The following FARS2 variants were observed in gnomAD, a reference collection of about 807,000 sequenced individuals.
FARS2 encodes the protein phenylalanyl-tRNA synthetase 2, mitochondrial, also known as phenylalanine--tRNA ligase, mitochondrial.
Under a neutral mutation model 46.4 loss-of-function variants are expected in FARS2, and 40 were observed. The ratio of observed to expected loss-of-function variants is 0.86; its 90% CI spans 0.67 to 1.12. FARS2 has a LOEUF of 1.12. Ranked by LOEUF, FARS2 falls within the 50% of genes most tolerant of loss-of-function variation. The probability of loss-of-function intolerance (pLI) is 0.00; values close to 1 mark genes in which losing one functional copy is unlikely to be tolerated. For missense variants in FARS2, 513 were observed against 567.9 expected (o/e 0.90, Z 0.98); for synonymous variants, 234 against 214.9 (o/e 1.09, Z -0.78).
At chr6:5,625,245 T>C (rs941983787) in intron 6 of FARS2, among the ~76,000 whole-genome samples, 1 of 152,086 alleles carries the variant, frequency 6.6e-6, no homozygotes, top group African/African-American at 2.4e-5. Flanking sequence ...GCTTCACCAG[T>C]TCACATTTCT....
chr6:5,432,527 AT>A (rs70975907), intron 4 of FARS2, among the ~76,000 whole-genome samples: 7 of 49,374 alleles, frequency 1.4e-4, no homozygotes, highest in South Asian at 1.3e-3. Flanking sequence ...ATATATATAT[AT>A]TTTTTTTTTT....
intron 6 of FARS2, among the ~76,000 whole-genome samples, chr6:5,759,086 A>T (rs1049449973): frequency 6.6e-6 from 1 of 152,166 alleles, no homozygotes; most frequent in Non-Finnish European, 1.5e-5. Flanking sequence ...GAGAAAACCC[A>T]TATGTAGAGA....
chr6:5,575,719 C>A (rs2150568774), intron 5 of FARS2, among the ~76,000 whole-genome samples: 1 of 152,262 alleles, frequency 6.6e-6, no homozygotes, highest in East Asian at 1.9e-4. Flanking sequence ...GAAATAGTTT[C>A]TCAGCCCTTC....
intron 6 of FARS2, among the ~76,000 whole-genome samples, chr6:5,763,767 GGTTTTT>G (rs1762609173): frequency 4.3e-5 from 1 of 23,496 alleles, no homozygotes; most frequent in African/African-American, 7.5e-5. Flanking sequence ...CTTCCCTTTT[GGTTTTT>G]TTTTTTTTTT....
chr6:5,421,889 T>G (rs1012221194), intron 3 of FARS2, among the ~76,000 whole-genome samples: 3 of 152,222 alleles, frequency 2.0e-5, no homozygotes, highest in Non-Finnish European at 2.9e-5. Context: ...TTCTGAGCTC[T>G]TCAAACTATT....
At chr6:5,642,369 G>A (rs1356612725) in intron 6 of FARS2, among the ~76,000 whole-genome samples, 5 of 152,130 alleles carry the variant, frequency 3.3e-5, no homozygotes, top group African/African-American at 1.2e-4. Flanking sequence ...ATCCCCAATA[G>A]GACTTTTTTG....
chr6:5,301,959 C>T (rs1236369664), intron 1 of FARS2, among the ~76,000 whole-genome samples: 1 of 152,132 alleles, frequency 6.6e-6, no homozygotes, highest in Non-Finnish European at 1.5e-5. Flanking sequence ...ATTAAGAAGA[C>T]TTGGTCCCTA....
chr6:5,734,276 G>A (rs910589078), intron 6 of FARS2, among the ~76,000 whole-genome samples: 1 of 152,198 alleles, frequency 6.6e-6, no homozygotes, highest in Non-Finnish European at 1.5e-5. Context: ...ACAAGAGCCT[G>A]CAATCCTGAA....
chr6:5,371,872 G>A (rs536790778), intron 2 of FARS2, among the ~76,000 whole-genome samples: 1 of 151,952 alleles, frequency 6.6e-6, no homozygotes, highest in Non-Finnish European at 1.5e-5. Flanking sequence ...AATTTAAATG[G>A]GTTAAACTTA....
At chr6:5,656,134 T>C (rs1364909392) in intron 6 of FARS2, among the ~76,000 whole-genome samples, 1 of 152,196 alleles carries the variant, frequency 6.6e-6, no homozygotes, top group African/African-American at 2.4e-5. Flanking sequence ...CCAAGTACAA[T>C]GGAAGACAAG....
At chr6:5,736,165 G>T (rs1253604111) in intron 6 of FARS2, among the ~76,000 whole-genome samples, 3 of 152,160 alleles carry the variant, frequency 2.0e-5, no homozygotes, top group Non-Finnish European at 4.4e-5. Flanking sequence ...GTTCCTCCCT[G>T]GCTGTAGGTC....
At chr6:5,751,038 G>T (rs955525791) in intron 6 of FARS2, among the ~76,000 whole-genome samples, 1 of 152,118 alleles carries the variant, frequency 6.6e-6, no homozygotes, top group Admixed American at 6.5e-5. Context: ...GGCTGGGCCG[G>T]AATCCTAACA....
At chr6:5,341,186 G>GAGATATATATATATAT (rs1771534780) in intron 1 of FARS2, among the ~76,000 whole-genome samples, 1 of 61,236 alleles carries the variant, frequency 1.6e-5, no homozygotes, top group Non-Finnish European at 3.0e-5. Context: ...TGGCCATGGG[G>GAGATATATATATATAT]AGATATATAT....
chr6:5,631,476 TC>T (rs1776290387), intron 6 of FARS2, among the ~76,000 whole-genome samples: 1 of 152,154 alleles, frequency 6.6e-6, no homozygotes, highest in South Asian at 2.1e-4. Flanking sequence ...AAATTCAAGG[TC>T]CCTCTAACCT....
At chr6:5,391,419 G>C (rs17140410) in intron 2 of FARS2, among the ~76,000 whole-genome samples, 1,657 of 152,266 alleles carry the variant, frequency 0.011, 26 homozygotes, top group African/African-American at 0.037. Flanking sequence ...GTACTAAACG[G>C]TGTGTAACTA....
intron 5 of FARS2, among the ~76,000 whole-genome samples, chr6:5,564,391 T>G (rs1429235403): frequency 6.6e-6 from 1 of 152,232 alleles, no homozygotes; most frequent in Admixed American, 6.5e-5. Flanking sequence ...ACTAGCGTAT[T>G]GATTCACATT....
chr6:5,356,728 G>T (rs978987483), intron 1 of FARS2, among the ~76,000 whole-genome samples: 2 of 151,736 alleles, frequency 1.3e-5, no homozygotes, highest in Admixed American at 6.6e-5. Context: ...CCAGAGGCTC[G>T]CAGGAAACCA....
intron 6 of FARS2, among the ~76,000 whole-genome samples, chr6:5,729,891 T>G (rs1360503900): frequency 1.3e-5 from 2 of 152,236 alleles, no homozygotes; most frequent in African/African-American, 4.8e-5. Flanking sequence ...TTCTTTATCA[T>G]GGGGGCTGAC....
At chr6:5,470,157 G>A (rs983767063) in intron 4 of FARS2, among the ~76,000 whole-genome samples, 5 of 152,160 alleles carry the variant, frequency 3.3e-5, no homozygotes, top group African/African-American at 9.7e-5. Flanking sequence ...CTTTAATACA[G>A]TTGGCCCTCC....
Sources: gnomAD v4.1 joint callset for allele counts (sites outside exome capture counted in the v4.1 genomes callset) on GRCh38, gnomAD v4.1.1 for gene constraint, MANE v1.5 for transcripts, NCBI Gene and HGNC (gene_info 2026-07-23, HGNC 2026-07-21) for gene names.